CACNA1B: variants seen among roughly 807,000 people sequenced by gnomAD.
The protein encoded by CACNA1B is calcium voltage-gated channel subunit alpha1 B.
Under a neutral mutation model 247.2 loss-of-function variants are expected in CACNA1B, and 70 were observed. The observed-to-expected ratio is 0.28, with a 90% CI of 0.23 to 0.35. The LOEUF (loss-of-function observed/expected upper bound fraction) is 0.35. Among genes scored for constraint, CACNA1B ranks in the 10% least tolerant of loss-of-function variants. The pLI, the probability that CACNA1B is intolerant of heterozygous loss-of-function variation, is 1.00. For missense variants in CACNA1B, 2,367 were observed against 3,197.4 expected (o/e 0.74, Z 6.26); for synonymous variants, 1,231 against 1,294.4 (o/e 0.95, Z 1.05).
intron 21 of CACNA1B, among the ~76,000 whole-genome samples, chr9:138,046,329 G>A (rs981009919): frequency 6.6e-5 from 10 of 152,216 alleles, no homozygotes; most frequent in South Asian, 4.1e-4. Context: ...CCCGTGCAGC[G>A]TGTTCACGTG....
In CACNA1B at chr9:137,971,597, G is replaced by T; in HGVS notation, c.1543+5G>T. 1 of 1,609,692 alleles carries T rather than the reference G, an allele frequency of 6.2e-7. No individual in the cohort carries two copies. Among genetic ancestry groups the T allele is most frequent in the Non-Finnish European group, 8.5e-7 (1 of 1,177,130 alleles). On this transcript the variant is annotated splice_donor_5th_base_variant and intron_variant, in intron 11 of 46. Coordinates refer to ENST00000371372, the MANE Select transcript of CACNA1B (RefSeq NM_000718.4). This position sits in a 1 kb window ranked among gnomAD's most constrained non-coding sequence, Gnocchi z 4.4. The stretch of plus-strand genomic sequence containing the variant: ...GGCGGCTTACCACGACCCTGTGTAC[G>T]TATCCCCGTCCCTCCCTCAGGTGCT...
chr9:138,000,887 C>T (rs537708553), intron 15 of CACNA1B, among the ~76,000 whole-genome samples: 1 of 152,106 alleles, frequency 6.6e-6, no homozygotes, highest in African/African-American at 2.4e-5. Flanking sequence ...ATGTTATGAC[C>T]CCCCTTTCGT....
chr9:137,922,753 T>G (rs1266533362), intron 6 of CACNA1B, among the ~76,000 whole-genome samples: 1 of 152,142 alleles, frequency 6.6e-6, no homozygotes, highest in Non-Finnish European at 1.5e-5. Context: ...CAGAAATAGC[T>G]CATGCATCCT....
intron 3 of CACNA1B, among the ~76,000 whole-genome samples, chr9:137,911,002 T>G (rs562258202): frequency 6.6e-6 from 1 of 152,288 alleles, no homozygotes; most frequent in South Asian, 2.1e-4. Context: ...CTTCTAAGAG[T>G]TTTCTAGTCT....
Position 138,054,115 on chromosome 9 carries a change from C to A in CACNA1B, c.3968+109C>A. ...TGGTCACACGGCGTGGGAGACTCCA[C>A]TGCAGAGCATCACGGACCCTGCCTG... On this transcript the variant is annotated intron_variant, in intron 26 of 46. Coordinates refer to ENST00000371372, the MANE Select transcript of CACNA1B (RefSeq NM_000718.4). This position sits in a 1 kb window ranked among gnomAD's most constrained non-coding sequence, Gnocchi z 4.6. 9.6e-7 allele frequency: 1 copy of A among 1,037,548 alleles called. No individual in the cohort carries two copies. The highest frequency in any genetic ancestry group is 1.5e-6 in the Non-Finnish European group (1 of 678,056). The allele number at this position is 1,037,548 out of a possible 1,614,324, so 64.3% of individuals were successfully genotyped here. A position where few individuals can be genotyped will look rare whatever the true frequency, so the allele number is the denominator to read the frequency against.
At chr9:137,924,852 A>C (rs901390820) in intron 6 of CACNA1B, among the ~76,000 whole-genome samples, 6 of 152,164 alleles carry the variant, frequency 3.9e-5, no homozygotes, top group Admixed American at 6.5e-5. Flanking sequence ...GTGTCCAGCA[A>C]CCCTGCCCTC....
In CACNA1B at chr9:138,014,452, G is replaced by A. The variant is rs775217636; in HGVS notation, c.2267+1217G>A. Among the ~76,000 whole-genome samples the A allele has an allele frequency of 5.9e-5, 9 of 152,148 alleles. No homozygotes were observed. The highest frequency in any genetic ancestry group is 1.2e-4 in the Non-Finnish European group (8 of 68,014). ...GCAGGGATGGGAGGGGCCTGCAGGG[G>A]AACTTGGCAGCTGTGGACACGGTGG... On this transcript the variant is annotated intron_variant, in intron 18 of 46. Transcript: ENST00000371372. The surrounding 1 kb of genome is among the most constrained non-coding windows in gnomAD (Gnocchi z 6.2).
chr9:137,983,403 C>G (rs1182479130), intron 12 of CACNA1B, among the ~76,000 whole-genome samples: 1 of 152,150 alleles, frequency 6.6e-6, no homozygotes, highest in East Asian at 1.9e-4. Context: ...TGTGTTCCAG[C>G]CCCACTGGTC....
At chr9:137,943,419 T>G (rs1957755800) in intron 6 of CACNA1B, among the ~76,000 whole-genome samples, 1 of 152,208 alleles carries the variant, frequency 6.6e-6, no homozygotes, top group African/African-American at 2.4e-5. Flanking sequence ...ATTTGAGAGA[T>G]AAAGAACGAG....
intron 6 of CACNA1B, among the ~76,000 whole-genome samples, chr9:137,937,563 G>T (rs1369608805): frequency 6.6e-6 from 1 of 152,162 alleles, no homozygotes; most frequent in East Asian, 1.9e-4. Flanking sequence ...AGACTTAGAT[G>T]TCCAAATACA....
rs1481175874 is a variant in CACNA1B, at chr9:137,899,365, T to C, written c.531-13815T>C. On this transcript the variant is annotated intron_variant, in intron 3 of 46. Coordinates refer to ENST00000371372, the MANE Select transcript of CACNA1B (RefSeq NM_000718.4). This position sits in a 1 kb window ranked among gnomAD's most constrained non-coding sequence, Gnocchi z 5.0. Reference sequence around the variant, plus strand: ...GTCTTGGCCTCCCAAAGCGCTGGGATTGGGATATGCTTTCTTAACCTCAGT... The same window carrying C: ...GTCTTGGCCTCCCAAAGCGCTGGGACTGGGATATGCTTTCTTAACCTCAGT... Among the ~76,000 whole-genome samples the C allele has an allele frequency of 2.0e-5, 3 of 152,252 alleles. No homozygotes were observed. Among genetic ancestry groups the C allele is most frequent in the Non-Finnish European group, 2.9e-5 (2 of 68,006 alleles).
chr9:138,032,890 G>C (rs1462074159), intron 20 of CACNA1B: 2 of 290,716 alleles, frequency 6.9e-6, no homozygotes, highest in Non-Finnish European at 1.3e-5. Context: ...TTTGGGGTTT[G>C]CTCAATTTCT....
At position 138,105,732 on chromosome 9, in the gene CACNA1B, G is replaced by A. The variant is rs767192514; in HGVS notation, c.5353G>A (p.Glu1785Lys). 1.5e-5 allele frequency: 23 copies of A among 1,564,690 alleles called. No homozygotes were observed. Among genetic ancestry groups the A allele is most frequent in the Non-Finnish European group, 1.7e-5 (20 of 1,155,534 alleles). ...TCGCATGAACATGCCCATCTCCAAC[G>A]AGGACATGACTGTTCACTTCACGTC... The part of the protein sequence containing the change: ...LVRMNMPISN[E>K]DMTVHFTSTL... Residue 1785 changes from glutamate (E) to lysine (K), a missense_variant, in exon 39 of 47, where the codon GAG becomes AAG. Physicochemically the swap from Glu to Lys is moderately conservative, Grantham distance 56. This residue lies in a region of CACNA1B where 773 missense variants were observed against 779.4 expected (regional missense o/e 0.99). Coordinates refer to ENST00000371372, the MANE Select transcript of CACNA1B (RefSeq NM_000718.4).
chr9:138,038,092 C>T (rs1959068778), intron 20 of CACNA1B, among the ~76,000 whole-genome samples: 2 of 152,144 alleles, frequency 1.3e-5, no homozygotes, highest in African/African-American at 4.8e-5. Flanking sequence ...AATAATGAAT[C>T]AATGCCCTAT....
intron 39 of CACNA1B, among the ~76,000 whole-genome samples, chr9:138,107,425 T>C (rs1489829984): frequency 6.6e-6 from 1 of 151,944 alleles, no homozygotes; most frequent in African/African-American, 2.4e-5. Context: ...GTATATTTTT[T>C]AGAGATGGGG....
intron 20 of CACNA1B, among the ~76,000 whole-genome samples, chr9:138,039,572 CT>C (rs1399893656): frequency 6.6e-6 from 1 of 151,948 alleles, no homozygotes; most frequent in African/African-American, 2.4e-5. Flanking sequence ...CCCATGAATT[CT>C]TTAGTCTTTT....
At position 138,057,929 on chromosome 9, in the gene CACNA1B, TCCTC is replaced by T; in HGVS notation, c.4106+65_4106+68del. On this transcript the variant is annotated intron_variant, in intron 27 of 46. Transcript: ENST00000371372. The surrounding 1 kb of genome is among the most constrained non-coding windows in gnomAD (Gnocchi z 4.0). The stretch of plus-strand genomic sequence containing the variant: ...GGCAGCCCCTGAGCTCGGCCTCCCT[TCCTC>T]CCTCTATCCCTGGGCTCAGGCATGG... The T allele has an allele frequency of 3.2e-6, 5 of 1,580,432 alleles. No individual in the cohort carries two copies. In the South Asian group the frequency reaches 5.6e-5, roughly 18 times the overall value.
At chr9:137,905,736 T>C (rs1957292042) in intron 3 of CACNA1B, among the ~76,000 whole-genome samples, 1 of 152,262 alleles carries the variant, frequency 6.6e-6, no homozygotes, top group African/African-American at 2.4e-5. Context: ...TTCTTCATCA[T>C]AACTCAAAAA....
At chr9:138,117,440 G>A (rs542835469) in intron 42 of CACNA1B, among the ~76,000 whole-genome samples, 3 of 152,192 alleles carry the variant, frequency 2.0e-5, no homozygotes, top group East Asian at 3.9e-4. Flanking sequence ...ATCTGTCCCA[G>A]CCTGTCCTCT....
Sources: gnomAD v4.1 joint callset for allele counts (sites outside exome capture counted in the v4.1 genomes callset) on GRCh38, gnomAD v4.1.1 for gene constraint, gnomAD v4.1.1 regional missense constraint, Gnocchi (gnomAD v3.1) non-coding constraint, MANE v1.5 for transcripts, NCBI Gene and HGNC (gene_info 2026-07-23, HGNC 2026-07-21) for gene names.